MLF1: variants seen among roughly 807,000 people sequenced by gnomAD.
MLF1 encodes the protein myelodysplasia-myeloid leukemia factor 1.
In MLF1, 37 loss-of-function variants were observed where a neutral mutation model predicts 38.3. The ratio of observed to expected loss-of-function variants is 0.96; its 90% confidence interval spans 0.74 to 1.27. The LOEUF is 1.27. MLF1 is among the 50% of genes most tolerant of loss of function. The pLI is 0.00. For missense variants in MLF1, 331 were observed against 349.2 expected, an observed-to-expected ratio of 0.95 and a Z score of 0.42; for synonymous variants, 95 against 106.5, an observed-to-expected ratio of 0.89 and a Z score of 0.66.
chr3:158,595,999 G>C (rs1263344218), intron 3 of MLF1, among the ~76,000 whole-genome samples: 1 of 152,054 alleles, frequency 6.6e-6, no homozygotes, highest in African/African-American at 2.4e-5. Context: ...GATTTTCCTA[G>C]AGCAAAGTTT....
chr3:158,587,873 C>G (rs146889986), intron 1 of MLF1, among the ~76,000 whole-genome samples: 1 of 152,172 alleles, frequency 6.6e-6, no homozygotes, highest in Non-Finnish European at 1.5e-5. Flanking sequence ...TGGCGGCGTG[C>G]GCCTGTAGTC....
At chr3:158,602,587 GATC>G (rs764979694) in intron 6 of MLF1, among the ~76,000 whole-genome samples, 1 of 152,138 alleles carries the variant, frequency 6.6e-6, no homozygotes, top group Non-Finnish European at 1.5e-5. Flanking sequence ...TGAAAAAATA[GATC>G]ATCAATAACT....
intron 1 of MLF1, among the ~76,000 whole-genome samples, chr3:158,580,019 T>C (rs541806881): frequency 1.4e-3 from 206 of 152,270 alleles, no homozygotes; most frequent in African/African-American, 4.5e-3. Context: ...ACTGCAAAGG[T>C]ATAACGAATA....
chr3:158,588,228 A>G (rs1380267927), intron 1 of MLF1, among the ~76,000 whole-genome samples: 1 of 152,196 alleles, frequency 6.6e-6, no homozygotes, highest in African/African-American at 2.4e-5. Context: ...TAAAGCCTCA[A>G]CTGATAACTT....
chr3:158,601,525 G>A (rs531094862), intron 6 of MLF1, among the ~76,000 whole-genome samples: 31 of 149,882 alleles, frequency 2.1e-4, no homozygotes, highest in African/African-American at 6.9e-4. Flanking sequence ...AGCCAAGATC[G>A]AGCCCTTGCA....
chr3:158,604,993 TA>T, intron 7 of MLF1, 103 bp from the exon 8 acceptor site: 1 of 884,032 alleles, frequency 1.1e-6, no homozygotes, highest in Non-Finnish European at 1.7e-6. Flanking sequence ...ATTTTTAAGA[TA>T]AAACTTTTCT....
At position 158,598,204 on chromosome 3, in the gene MLF1, G is replaced by T; in HGVS notation, c.449G>T (p.Gly150Val). The T allele has an allele frequency of 1.2e-6, 2 of 1,612,098 alleles. No individual in the cohort carries two copies. Among genetic ancestry groups the T allele is most frequent in the East Asian group, 2.2e-5 (1 of 44,830 alleles). The change falls in exon 5 of 8, where the codon GGA becomes GTA. Residue 150 changes from glycine to valine, a missense_variant. Physicochemically the swap from Gly to Val is moderately radical, Grantham distance 109 (BLOSUM62 -3). Transcript: ENST00000466246. ...TCAACTCAAACTCGTCGAGCTCCAG[G>T]AGGAGTAAGTTTTCTATAAGCATTC... ...QASTQTRRAP[G>V]GIKETRKAMR...
chr3:158,586,223 T>A (rs1717238162), intron 1 of MLF1, among the ~76,000 whole-genome samples: 1 of 151,062 alleles, frequency 6.6e-6, no homozygotes, highest in African/African-American at 2.4e-5. Flanking sequence ...TAATTTTTTT[T>A]AATCTACACT....
intron 1 of MLF1, among the ~76,000 whole-genome samples, chr3:158,574,547 G>A (rs1715116021): frequency 6.9e-6 from 1 of 145,522 alleles, no homozygotes; most frequent in African/African-American, 2.7e-5. Flanking sequence ...AGCCAGGCAT[G>A]GTGACACACA....
chr3:158,578,903 C>T (rs986040282), intron 1 of MLF1, among the ~76,000 whole-genome samples: 16 of 151,966 alleles, frequency 1.1e-4, no homozygotes, highest in African/African-American at 3.9e-4. Context: ...TTTTATTTTC[C>T]AAAATTCGGA....
At chr3:158,597,966 T>C in intron 4 of MLF1, 114 bp from the exon 5 acceptor site, 1 of 1,127,026 alleles carries the variant, frequency 8.9e-7, no homozygotes, top group South Asian at 1.4e-5. Context: ...TACACCATAT[T>C]GGTAGTTTAG....
intron 5 of MLF1, 26 bp downstream of exon 5, chr3:158,598,234 A>G (rs1316953202): frequency 1.9e-6 from 3 of 1,580,428 alleles, no homozygotes; most frequent in East Asian, 2.3e-5. Context: ...GCATTCCTAA[A>G]GTTTTATAAA....
In MLF1 at chr3:158,598,208, A is replaced by C; in HGVS notation, c.453A>C (p.Gly151=). ...CTCAAACTCGTCGAGCTCCAGGAGGAGTAAGTTTTCTATAAGCATTCCTAA... is the reference window on the plus strand; with the variant it reads ...CTCAAACTCGTCGAGCTCCAGGAGGCGTAAGTTTTCTATAAGCATTCCTAA... The part of the protein sequence containing the change: ...ASTQTRRAPG[G]IKETRKAMRD... The change falls in exon 5 of 8, where the codon GGA becomes GGC. Residue 151 remains glycine (G), a splice_region_variant and synonymous_variant. Transcript: ENST00000466246. 4 of 1,610,890 alleles carry C rather than the reference A, an allele frequency of 2.5e-6. No individual in the cohort carries two copies. Among genetic ancestry groups the C allele is most frequent in the Non-Finnish European group, 3.4e-6 (4 of 1,179,110 alleles).
intron 1 of MLF1, chr3:158,590,989 C>G: frequency 2.4e-6 from 1 of 421,908 alleles, no homozygotes; most frequent in Non-Finnish European, 4.6e-6. Context: ...TTTTAACCTC[C>G]AAGGTAATGT....
intron 1 of MLF1, chr3:158,582,724 C>A: frequency 1.9e-6 from 1 of 517,864 alleles, no homozygotes; most frequent in East Asian, 3.2e-5. Context: ...ACCCACTGAC[C>A]TAGAATTCTG....
intron 4 of MLF1, 112 bp from the exon 5 acceptor site, chr3:158,597,968 G>A: frequency 8.8e-7 from 1 of 1,136,410 alleles, no homozygotes; most frequent in Non-Finnish European, 1.3e-6. Flanking sequence ...CACCATATTG[G>A]TAGTTTAGTA....
At chr3:158,593,160 A>G (rs1303650673) in intron 2 of MLF1, among the ~76,000 whole-genome samples, 4 of 151,990 alleles carry the variant, frequency 2.6e-5, no homozygotes, top group Non-Finnish European at 4.4e-5. Context: ...CAGGATATTT[A>G]TATATTGTAA....
intron 1 of MLF1, among the ~76,000 whole-genome samples, chr3:158,585,043 AAAAAAAAAAAAAG>A (rs1717031383): frequency 6.8e-6 from 1 of 147,244 alleles, no homozygotes; most frequent in Non-Finnish European, 1.5e-5. Flanking sequence ...GTCTGAAAAA[AAAAAAAAAAAAAG>A]AAAAAGAAAA....
At chr3:158,598,311 G>C (rs917853151) in intron 5 of MLF1, 103 bp downstream of exon 5, 7 of 1,149,504 alleles carry the variant, frequency 6.1e-6, no homozygotes, top group East Asian at 2.7e-5. Context: ...ACAAGATGGT[G>C]GGGGGACAGG....
Sources: gnomAD v4.1 joint callset for allele counts (sites outside exome capture counted in the v4.1 genomes callset) on GRCh38, gnomAD v4.1.1 for gene constraint, MANE v1.5 for transcripts, NCBI Gene and HGNC (gene_info 2026-07-23, HGNC 2026-07-21) for gene names.